The following EGFR variants were observed in gnomAD, a reference collection of about 807,000 sequenced individuals.
EGFR encodes the protein epidermal growth factor receptor.
A neutral mutation model predicts 143.0 loss-of-function variants in EGFR; 58 were observed. The observed-to-expected ratio is 0.41, with a 90% CI of 0.33 to 0.50. The LOEUF (loss-of-function observed/expected upper bound fraction) is 0.50. Among genes scored for constraint, EGFR ranks in the 20% least tolerant of loss-of-function variants. The pLI is 0.39. For missense variants in EGFR, 1,307 were observed against 1,579.0 expected (o/e 0.83, Z 2.92); for synonymous variants, 613 against 594.4 (o/e 1.03, Z -0.45).
At chr7:55,068,367 T>G (rs529770735) in intron 1 of EGFR, among the ~76,000 whole-genome samples, 1 of 152,340 alleles carries the variant, frequency 6.6e-6, no homozygotes, top group African/African-American at 2.4e-5. Context: ...AGCCCCACAC[T>G]CCTTTTTAAT....
At chr7:55,167,558 T>C (rs1786119117) in intron 15 of EGFR, among the ~76,000 whole-genome samples, 1 of 122,912 alleles carries the variant, frequency 8.1e-6, no homozygotes, top group Admixed American at 7.5e-5. Context: ...GTGGTGTTGA[T>C]GGTGGTGATG....
At chr7:55,189,262 T>C (rs1364995910) in intron 20 of EGFR, among the ~76,000 whole-genome samples, 2 of 151,982 alleles carry the variant, frequency 1.3e-5, no homozygotes, top group African/African-American at 2.4e-5. Context: ...GGTCTCAGGG[T>C]ATTTGGTCTG....
At chr7:55,199,936 G>T (rs1438982274) in intron 23 of EGFR, among the ~76,000 whole-genome samples, 4 of 152,198 alleles carry the variant, frequency 2.6e-5, no homozygotes, top group Non-Finnish European at 5.9e-5. Flanking sequence ...CTACCTGAAG[G>T]AATGCTAAGG....
intron 1 of EGFR, among the ~76,000 whole-genome samples, chr7:55,075,294 C>CA (rs1296180971): frequency 6.6e-5 from 10 of 152,192 alleles, no homozygotes; most frequent in Non-Finnish European, 1.0e-4. Context: ...GCTTCCTCCA[C>CA]ACCGGTGGCC....
chr7:55,090,219 G>A (rs985527668), intron 1 of EGFR, among the ~76,000 whole-genome samples: 7 of 152,074 alleles, frequency 4.6e-5, no homozygotes, highest in Non-Finnish European at 1.0e-4. Flanking sequence ...CACCCACCTC[G>A]GCTTCCCAAA....
intron 15 of EGFR, chr7:55,168,770 T>C (rs968112431): frequency 3.6e-6 from 2 of 550,620 alleles, no homozygotes; most frequent in Non-Finnish European, 6.1e-6. Context: ...ATTAATTATA[T>C]AGGAATTACA....
intron 1 of EGFR, among the ~76,000 whole-genome samples, chr7:55,029,315 T>C (rs1787118846): frequency 6.6e-6 from 1 of 152,240 alleles, no homozygotes; most frequent in African/African-American, 2.4e-5. Flanking sequence ...CTTATCCTTA[T>C]AGATGTTTCT....
intron 1 of EGFR, among the ~76,000 whole-genome samples, chr7:55,079,550 A>G (rs1308949146): frequency 2.0e-5 from 3 of 152,042 alleles, no homozygotes; most frequent in African/African-American, 7.2e-5. Context: ...CTGCATTTAC[A>G]TTTTGAGATT....
intron 1 of EGFR, among the ~76,000 whole-genome samples, chr7:55,063,788 G>A (rs1453929965): frequency 1.3e-5 from 2 of 152,196 alleles, no homozygotes; most frequent in African/African-American, 4.8e-5. Flanking sequence ...AGAAATGAAA[G>A]GAAGACCATC....
chr7:55,161,703 A>C, intron 13 of EGFR, 72 bp downstream of exon 13: 1 of 1,610,810 alleles, frequency 6.2e-7, no homozygotes, highest in Non-Finnish European at 8.5e-7. Flanking sequence ...ATAGCTTTAC[A>C]GGCATTCTGT....
Position 55,154,002 on chromosome 7 carries a change from C to G in EGFR, c.748-9C>G, listed in dbSNP as rs2128934814. 6.2e-7 allele frequency: 1 copy of G among 1,614,216 alleles called. No individual in the cohort carries two copies. The highest frequency in any genetic ancestry group is 8.5e-7 in the Non-Finnish European group (1 of 1,180,042). On this transcript the variant is annotated splice_polypyrimidine_tract_variant and intron_variant, in intron 6 of 27. Transcript: ENST00000275493. The stretch of plus-strand genomic sequence containing the variant: ...CTCACTTGCCCAGCGTGTCCTCTCT[C>G]CTCCATAGGTCTGCCGCAAATTCCG...
chr7:55,112,042 AGACACCTG>A (rs925279574), intron 1 of EGFR, among the ~76,000 whole-genome samples: 1 of 152,148 alleles, frequency 6.6e-6, no homozygotes, highest in African/African-American at 2.4e-5. Flanking sequence ...TGACTGAGGC[AGACACCTG>A]GGCTACCCAG....
chr7:55,143,872 T>C (rs970742737), intron 3 of EGFR, among the ~76,000 whole-genome samples: 11 of 152,162 alleles, frequency 7.2e-5, no homozygotes, highest in African/African-American at 2.4e-4. Flanking sequence ...AGACATACAG[T>C]AAAAATCAAC....
At chr7:55,113,292 C>G (rs1584071485) in intron 1 of EGFR, among the ~76,000 whole-genome samples, 1 of 152,276 alleles carries the variant, frequency 6.6e-6, no homozygotes, top group South Asian at 2.1e-4. Flanking sequence ...CTGTGTGAGA[C>G]TATGTGAGTG....
intron 1 of EGFR, among the ~76,000 whole-genome samples, chr7:55,123,918 T>C (rs574973988): frequency 6.6e-6 from 1 of 152,270 alleles, no homozygotes; most frequent in African/African-American, 2.4e-5. Context: ...TGCAAGTAAG[T>C]GTGTATACGT....
chr7:55,109,746 G>A, intron 1 of EGFR: 1 of 985,402 alleles, frequency 1.0e-6, no homozygotes, highest in Non-Finnish European at 1.2e-6. Flanking sequence ...GCCTAGGATT[G>A]CATTTATTTC....
intron 13 of EGFR, 121 bp downstream of exon 13, chr7:55,161,752 TG>T: frequency 6.4e-7 from 1 of 1,553,426 alleles, no homozygotes; most frequent in Non-Finnish European, 8.8e-7. Flanking sequence ...CCTTGGCTTT[TG>T]GAGGTTTTGG....
chr7:55,144,032 A>G (rs907031581), intron 3 of EGFR, among the ~76,000 whole-genome samples: 2 of 152,194 alleles, frequency 1.3e-5, no homozygotes, highest in Non-Finnish European at 2.9e-5. Flanking sequence ...GATGATAGAA[A>G]AGAAGGGAAA....
chr7:55,055,722 AC>A (rs1387203481), intron 1 of EGFR, among the ~76,000 whole-genome samples: 146 of 35,872 alleles, frequency 4.1e-3, no homozygotes, highest in Admixed American at 0.015. Context: ...ACACACACAC[AC>A]CACACACACA....
Sources: allele counts gnomAD v4.1 joint callset (sites outside exome capture counted in the v4.1 genomes callset), GRCh38; gene constraint gnomAD v4.1.1; transcripts MANE v1.5; gene names NCBI Gene and HGNC (gene_info 2026-07-23, HGNC 2026-07-21).